The following FBXL7 variants were observed in gnomAD, a reference collection of about 807,000 sequenced individuals.
FBXL7 encodes the protein F-box and leucine rich repeat protein 7.
FBXL7 carries 12 observed loss-of-function variants against 38.3 expected under a neutral mutation model. The observed-to-expected ratio is 0.31, with a 90% CI of 0.20 to 0.51. The LOEUF is 0.51. Ranked by LOEUF, FBXL7 falls within the 20% of genes least tolerant of loss-of-function variation. The pLI is 0.98. For synonymous variants in FBXL7, 297 were observed against 300.9 expected (o/e 0.99, Z 0.13); for missense variants, 567 against 676.4 (o/e 0.84, Z 1.79).
At position 15,595,499 on chromosome 5, in the gene FBXL7, G is replaced by A. The variant is rs189930710; in HGVS notation, c.38-20484G>A. Among the ~76,000 whole-genome samples, 899 of 152,254 alleles carry A rather than the reference G, an allele frequency of 5.9e-3. 4 individuals carry two copies. The highest frequency in any genetic ancestry group is 0.01 in the Non-Finnish European group (693 of 68,020). On this transcript the variant is annotated intron_variant, in intron 1 of 3. Transcript: ENST00000504595. ...TAATTAATTCAGAATAAATTATTTA[G>A]ATTGCAGGCTGAGGGAGGGATTTAA... is the stretch of plus-strand genomic sequence containing the variant.
intron 2 of FBXL7, among the ~76,000 whole-genome samples, chr5:15,815,075 C>G (rs983571502): frequency 6.6e-6 from 1 of 152,158 alleles, no homozygotes; most frequent in Non-Finnish European, 1.5e-5. Flanking sequence ...TTTAACAATT[C>G]TTAATTATGA....
chr5:15,898,383 T>A (rs376923704), intron 2 of FBXL7, among the ~76,000 whole-genome samples: 6 of 152,254 alleles, frequency 3.9e-5, no homozygotes, highest in South Asian at 2.1e-4. Context: ...GGTAGTGATA[T>A]ATAGGGGTAG....
At chr5:15,719,776 G>A (rs746458845) in intron 2 of FBXL7, among the ~76,000 whole-genome samples, 3 of 148,962 alleles carry the variant, frequency 2.0e-5, no homozygotes, top group Non-Finnish European at 3.0e-5. Context: ...CAGACATTCT[G>A]TAGGAATCAT....
chr5:15,693,921 C>T (rs1049969823), intron 2 of FBXL7, among the ~76,000 whole-genome samples: 6 of 152,182 alleles, frequency 3.9e-5, no homozygotes, highest in Admixed American at 1.3e-4. Flanking sequence ...TCCAAGCCCA[C>T]GTGTGATCCA....
chr5:15,808,446 C>T (rs1429803464), intron 2 of FBXL7, among the ~76,000 whole-genome samples: 2 of 152,188 alleles, frequency 1.3e-5, no homozygotes, highest in South Asian at 2.1e-4. Flanking sequence ...ACCTCTTCCA[C>T]ACACTCAGCC....
At chr5:15,691,939 T>G (rs1296044889) in intron 2 of FBXL7, among the ~76,000 whole-genome samples, 1 of 152,070 alleles carries the variant, frequency 6.6e-6, no homozygotes, top group African/African-American at 2.4e-5. Context: ...GGTGGCTGGT[T>G]TAGGGTTCTG....
chr5:15,738,318 G>GTGCT (rs1735807359), intron 2 of FBXL7, among the ~76,000 whole-genome samples: 1 of 152,196 alleles, frequency 6.6e-6, no homozygotes, highest in Non-Finnish European at 1.5e-5. Flanking sequence ...GAGCAACACA[G>GTGCT]TGCTATCCAA....
At chr5:15,636,136 C>A (rs1741183928) in intron 2 of FBXL7, among the ~76,000 whole-genome samples, 1 of 150,978 alleles carries the variant, frequency 6.6e-6, no homozygotes, top group South Asian at 2.1e-4. Flanking sequence ...CATTTTGTTC[C>A]ATTTTATAAA....
intron 2 of FBXL7, among the ~76,000 whole-genome samples, chr5:15,923,678 CA>C (rs1275410515): frequency 6.6e-6 from 1 of 152,014 alleles, no homozygotes; most frequent in Non-Finnish European, 1.5e-5. Context: ...TTAATTGAGA[CA>C]AATTGTTAAT....
At chr5:15,718,854 C>G (rs1744116544) in intron 2 of FBXL7, among the ~76,000 whole-genome samples, 1 of 152,150 alleles carries the variant, frequency 6.6e-6, no homozygotes, top group South Asian at 2.1e-4. Flanking sequence ...AGACCTTCAC[C>G]GTCATTTTAA....
chr5:15,637,825 T>C (rs1741233668), intron 2 of FBXL7, among the ~76,000 whole-genome samples: 1 of 152,158 alleles, frequency 6.6e-6, no homozygotes, highest in Admixed American at 6.5e-5. Flanking sequence ...TGATTTAAAA[T>C]TGCAGCCCAG....
At chr5:15,904,753 T>C (rs1432160697) in intron 2 of FBXL7, among the ~76,000 whole-genome samples, 1 of 152,162 alleles carries the variant, frequency 6.6e-6, no homozygotes, top group Non-Finnish European at 1.5e-5. Context: ...GTGTGCTCTT[T>C]AGTTAATACA....
intron 2 of FBXL7, among the ~76,000 whole-genome samples, chr5:15,648,195 T>C (rs557013575): frequency 1.3e-5 from 2 of 152,362 alleles, no homozygotes; most frequent in East Asian, 3.9e-4. Context: ...TCCACTAATA[T>C]TGAACTCATT....
At chr5:15,527,252 T>C (rs951508259) in intron 1 of FBXL7, among the ~76,000 whole-genome samples, 9 of 152,246 alleles carry the variant, frequency 5.9e-5, no homozygotes, top group South Asian at 2.1e-4. Flanking sequence ...CTATTAGGTC[T>C]TTTCACTGCC....
chr5:15,575,476 T>C (rs537185237), intron 1 of FBXL7, among the ~76,000 whole-genome samples: 50 of 152,316 alleles, frequency 3.3e-4, no homozygotes, highest in African/African-American at 1.2e-3. Context: ...TTTTTAGTGA[T>C]CAGAAAAGAC....
chr5:15,625,700 A>G (rs1240495670), intron 2 of FBXL7, among the ~76,000 whole-genome samples: 2 of 152,168 alleles, frequency 1.3e-5, no homozygotes, highest in Non-Finnish European at 2.9e-5. Context: ...AGCCAAATCA[A>G]AACTAAAACC....
chr5:15,629,456 ATTATT>A (rs1369747198), intron 2 of FBXL7, among the ~76,000 whole-genome samples: 1 of 152,136 alleles, frequency 6.6e-6, no homozygotes, highest in Non-Finnish European at 1.5e-5. Context: ...GACATGTTTT[ATTATT>A]TTATTATGAA....
intron 2 of FBXL7, among the ~76,000 whole-genome samples, chr5:15,699,165 C>G (rs1451933432): frequency 6.6e-6 from 1 of 152,134 alleles, no homozygotes; most frequent in Non-Finnish European, 1.5e-5. Context: ...AATCTTGTTT[C>G]CTGTTGTGTT....
intron 2 of FBXL7, among the ~76,000 whole-genome samples, chr5:15,924,497 A>G (rs928100684): frequency 2.0e-5 from 3 of 152,214 alleles, no homozygotes; most frequent in Non-Finnish European, 4.4e-5. Context: ...CTCAGTGTTT[A>G]AAAACATTGT....
Sources: allele counts gnomAD v4.1 joint callset (sites outside exome capture counted in the v4.1 genomes callset), GRCh38; gene constraint gnomAD v4.1.1; transcripts MANE v1.5; gene names NCBI Gene and HGNC (gene_info 2026-07-23, HGNC 2026-07-21).